XRCC3: variants seen among roughly 807,000 people sequenced by gnomAD.
XRCC3 encodes X-ray repair cross complementing 3.
In XRCC3, 34 loss-of-function variants were observed where a neutral mutation model predicts 29.2. The ratio of observed to expected loss-of-function variants is 1.16; its 90% CI spans 0.88 to 1.55. The LOEUF is 1.55. Among genes scored for constraint, XRCC3 ranks in the 40% most tolerant of loss-of-function variants. The pLI is 0.00. For missense variants in XRCC3, 463 were observed against 467.6 expected, an observed-to-expected ratio of 0.99 and a Z score of 0.09; for synonymous variants, 223 against 211.3, an observed-to-expected ratio of 1.06 and a Z score of -0.48.
chr14:103,701,330 T>G lies in XRCC3; in HGVS notation c.562-1754A>C. 3.0e-6 allele frequency: 3 copies of G among 1,000,502 alleles called. No individual in the cohort carries two copies. The South Asian group carries it at 4.4e-5, about 15-fold the overall frequency. The allele number at this position is 1,000,502 out of a possible 1,614,324, so 62.0% of individuals were successfully genotyped here. A position where few individuals can be genotyped will look rare whatever the true frequency, so the allele number is the denominator to read the frequency against. On this transcript the variant is annotated intron_variant, in intron 7 of 9. Transcript: ENST00000555055. The stretch of plus-strand genomic sequence containing the variant: ...CGCTCACTCATTTCTCCTGCGTCTG[T>G]GTGCATAGGACATGATACTAATAAC...
chr14:103,705,085 C>T (rs1366535322), intron 6 of XRCC3: 1 of 152,186 alleles, frequency 6.6e-6, no homozygotes, highest in Non-Finnish European at 1.5e-5. Context: ...GGTCAGGAAC[C>T]CCCCGCCCCA....
chr14:103,706,960 G>A (rs1014531213), intron 6 of XRCC3, 43 bp downstream of exon 6: 3 of 1,532,142 alleles, frequency 2.0e-6, no homozygotes, highest in Admixed American at 3.9e-5. Context: ...CAAAGCAGGG[G>A]CCGCCCACCT....
chr14:103,703,013 G>A, intron 7 of XRCC3, 160 bp downstream of exon 7: 3 of 1,126,476 alleles, frequency 2.7e-6, no homozygotes, highest in Non-Finnish European at 3.8e-6. Flanking sequence ...GACCCCACCT[G>A]CTCCTCGGGC....
chr14:103,714,289 C>G (rs2083728110), intron 1 of XRCC3: 1 of 152,304 alleles, frequency 6.6e-6, no homozygotes, highest in Non-Finnish European at 1.5e-5. Context: ...ACAAGGACCC[C>G]TGCACTGCCA....
At chr14:103,711,803 G>C in intron 2 of XRCC3, 1 of 437,900 alleles carries the variant, frequency 2.3e-6, no homozygotes, top group Non-Finnish European at 4.6e-6. Context: ...GCTGCTCAGG[G>C]ACTCAGCCTG....
At chr14:103,711,900 GA>G (rs2083645777) in intron 2 of XRCC3, 1 of 353,948 alleles carries the variant, frequency 2.8e-6, no homozygotes, top group African/African-American at 2.1e-5. Context: ...AGGACATGGG[GA>G]AACTGGAAGG....
Position 103,706,992 on chromosome 14 carries a change from TG to T in XRCC3, c.406+10del. ...ACCTGCCCAGACCCCACGGAAGGGG[TG>T]GCCACTCACCAGCCTCCAGGCCTCC... On this transcript the variant is annotated intron_variant, in intron 6 of 9. Transcript: ENST00000555055. The T allele has an allele frequency of 6.5e-7, 1 of 1,546,846 alleles. No homozygotes were observed.
At chr14:103,709,135 G>C (rs940936358) in intron 4 of XRCC3, 3 of 299,910 alleles carry the variant, frequency 1.0e-5, no homozygotes, top group Non-Finnish European at 6.5e-6. Flanking sequence ...GGGGAGCGCT[G>C]GGAGGGTAGC....
chr14:103,708,893 G>C, intron 4 of XRCC3: 1 of 541,012 alleles, frequency 1.8e-6, no homozygotes, highest in Non-Finnish European at 3.4e-6. Flanking sequence ...CTGGCACTCG[G>C]ACAGATACCA....
chr14:103,703,140 T>G (rs1266360111), intron 7 of XRCC3, 33 bp downstream of exon 7: 14 of 1,555,132 alleles, frequency 9.0e-6, no homozygotes, highest in Non-Finnish European at 1.2e-5. Flanking sequence ...ATAGCTTGCC[T>G]TGGGGGTGTC....
At position 103,703,245 on chromosome 14, in the gene XRCC3, A is replaced by G. The variant is rs2151931150; in HGVS notation, c.489T>C (p.Thr163=). The stretch of plus-strand genomic sequence containing the variant: ...TCTGAAGCAGCTCTCCTGGAACGTC[A>G]GTGCGCAGCCGCGGCTGCTGGGCCA... ...QLMAQQPRLR[T]DVPGELLQKL... Residue 163 remains threonine, a synonymous_variant, in exon 7 of 10, where the codon ACT becomes ACC. Transcript: ENST00000555055. 2 of 1,564,326 alleles carry G rather than the reference A, an allele frequency of 1.3e-6. No homozygotes were observed. The highest frequency in any genetic ancestry group is 1.7e-6 in the Non-Finnish European group (2 of 1,155,306).
intron 5 of XRCC3, 163 bp from the exon 6 acceptor site, chr14:103,707,378 GC>G: frequency 1.2e-6 from 1 of 861,552 alleles, no homozygotes; most frequent in Non-Finnish European, 1.8e-6. Context: ...AGGGAGGGGG[GC>G]CCAGCCGGGA....
Position 103,698,879 on chromosome 14 carries a change from G to A in XRCC3, c.960C>T (p.Ala320=). 1 of 1,606,552 alleles carries A rather than the reference G, an allele frequency of 6.2e-7. No individual in the cohort carries two copies. The highest frequency in any genetic ancestry group is 1.7e-5 in the Admixed American group (1 of 59,250). Residue 320 remains alanine, a synonymous_variant, in exon 10 of 10, where the codon GCC becomes GCT. Transcript: ENST00000555055. ...AACAGGAGGAGGGGGGCAGGTGGGGGGCAGAGAGCACCCGCAGGGTCCGGG... is the reference window on the plus strand; with the variant it reads ...AACAGGAGGAGGGGGGCAGGTGGGGAGCAGAGAGCACCCGCAGGGTCCGGG... ...CPARTLRVLS[A]PHLPPSSCSY...
chr14:103,706,990 G>C lies in XRCC3; in HGVS notation c.406+13C>G. On this transcript the variant is annotated intron_variant, in intron 6 of 9. Transcript: ENST00000555055. ...CCACCTGCCCAGACCCCACGGAAGG[G>C]GTGGCCACTCACCAGCCTCCAGGCC... 1 of 1,546,418 alleles carries C rather than the reference G, an allele frequency of 6.5e-7. No homozygotes were observed. Among genetic ancestry groups the C allele is most frequent in the Non-Finnish European group, 8.7e-7 (1 of 1,151,300 alleles).
chr14:103,700,433 A>C, intron 7 of XRCC3: 1 of 471,158 alleles, frequency 2.1e-6, no homozygotes, highest in East Asian at 3.6e-5. Flanking sequence ...AGCCATGGTG[A>C]TGGGGGAGGG....
chr14:103,703,308 C>T lies in XRCC3; in HGVS notation c.426G>A (p.Thr142=), dbSNP rs765492334. The change falls in exon 7 of 10, where the codon ACG becomes ACA. Residue 142 remains threonine, a synonymous_variant. Coordinates refer to ENST00000555055, the MANE Select transcript of XRCC3 (RefSeq NM_005432.4). ...GGCGCTTGTGCGGGAAGGCGTCTTC[C>T]GTGCAGATGTAGACGGCTCCTGGGA... The part of the protein sequence containing the change: ...GLEAGAVYIC[T]EDAFPHKRLQ... 177 of 1,553,694 alleles carry T rather than the reference C, an allele frequency of 1.1e-4. No individual in the cohort carries two copies. Among genetic ancestry groups the T allele is most frequent in the Middle Eastern group, 3.3e-4 (2 of 6,022 alleles).
chr14:103,708,795 C>T (rs1235654223), intron 4 of XRCC3, 136 bp from the exon 5 acceptor site: 34 of 1,171,774 alleles, frequency 2.9e-5, no homozygotes, highest in South Asian at 2.6e-4. Context: ...GGGTAGGGAC[C>T]GGATCCCCTG....
At position 103,712,930 on chromosome 14, in the gene XRCC3, T is replaced by A. The variant is rs1799794; in HGVS notation, c.-316A>T. The A allele has an allele frequency of 6.6e-6, 1 of 152,436 alleles. No individual in the cohort carries two copies. The highest frequency in any genetic ancestry group is 2.1e-4 in the South Asian group (1 of 4,842). The allele number at this position is 152,436 out of a possible 1,614,324, so 9.4% of individuals were successfully genotyped here. A position where few individuals can be genotyped will look rare whatever the true frequency, so the allele number is the denominator to read the frequency against. On this transcript the variant is annotated splice_region_variant and 5_prime_UTR_variant, in exon 2 of 10. The change abolishes an upstream ATG in the 5' untranslated region. Transcript: ENST00000555055. Reference sequence around the variant, plus strand: ...GCTCCTCCTGGGCCCTCTGTGCACATCCTGCTGAGAACTTGGTTTAACAGG... The same window carrying A: ...GCTCCTCCTGGGCCCTCTGTGCACAACCTGCTGAGAACTTGGTTTAACAGG...
At chr14:103,704,664 G>C (rs1436575256) in intron 6 of XRCC3, 1 of 150,274 alleles carries the variant, frequency 6.7e-6, no homozygotes, top group Non-Finnish European at 1.5e-5. Context: ...CCTCAGCCTC[G>C]GCCTCCCAAA....
Sources: allele counts gnomAD v4.1 joint callset, GRCh38; gene constraint gnomAD v4.1.1; transcripts MANE v1.5; gene names NCBI Gene and HGNC (gene_info 2026-07-23, HGNC 2026-07-21).